The following WIPF1 variants were observed in gnomAD, a reference collection of about 807,000 sequenced individuals.
WIPF1 encodes WAS/WASL-interacting protein family member 1.
Under a neutral mutation model 35.4 loss-of-function variants are expected in WIPF1, and 13 were observed. The ratio of observed to expected loss-of-function variants is 0.37; its 90% CI spans 0.24 to 0.58. The LOEUF (loss-of-function observed/expected upper bound fraction) is 0.58. Ranked by LOEUF, WIPF1 falls within the 20% of genes least tolerant of loss-of-function variation. The pLI, the probability that WIPF1 is intolerant of heterozygous loss-of-function variation, is 0.74. For missense variants in WIPF1, 591 were observed against 667.0 expected (o/e 0.89, Z 1.25); for synonymous variants, 267 against 266.3 (o/e 1.00, Z -0.02).
At chr2:174,669,633 G>A (rs1295855894) in intron 1 of WIPF1, among the ~76,000 whole-genome samples, 1 of 152,244 alleles carries the variant, frequency 6.6e-6, no homozygotes, top group Admixed American at 6.5e-5. Context: ...TGTAGTCCCA[G>A]CTACTTGGGA....
intron 1 of WIPF1, among the ~76,000 whole-genome samples, chr2:174,660,192 A>G (rs1687727946): frequency 6.6e-6 from 1 of 152,182 alleles, no homozygotes; most frequent in Non-Finnish European, 1.5e-5. Flanking sequence ...AACACAGACT[A>G]CCATGTGGAA....
intron 1 of WIPF1, among the ~76,000 whole-genome samples, chr2:174,595,133 T>TATATATATATAC (rs1273441559): frequency 1.1e-5 from 1 of 94,356 alleles, no homozygotes; most frequent in Non-Finnish European, 2.1e-5. Flanking sequence ...TATATATATA[T>TATATATATATAC]ATATATAATT....
At chr2:174,581,202 G>T in intron 3 of WIPF1, 108 bp downstream of exon 3, 1 of 1,478,894 alleles carries the variant, frequency 6.8e-7, no homozygotes, top group Non-Finnish European at 9.1e-7. Context: ...CTTTGCAGCT[G>T]TTGTTAACCA....
chr2:174,606,551 G>T (rs1487350212), intron 1 of WIPF1, among the ~76,000 whole-genome samples: 1 of 152,180 alleles, frequency 6.6e-6, no homozygotes, highest in Non-Finnish European at 1.5e-5. Context: ...CTGGCAGGAT[G>T]CCTGAATGAC....
At chr2:174,605,404 T>C (rs1329693730) in intron 1 of WIPF1, among the ~76,000 whole-genome samples, 2 of 152,080 alleles carry the variant, frequency 1.3e-5, no homozygotes, top group Non-Finnish European at 2.9e-5. Flanking sequence ...CGCCACTGCA[T>C]TCCAGCCTGG....
intron 1 of WIPF1, among the ~76,000 whole-genome samples, chr2:174,667,600 A>T (rs1687919713): frequency 6.6e-6 from 1 of 152,170 alleles, no homozygotes; most frequent in African/African-American, 2.4e-5. Context: ...TTCAGCTCTG[A>T]TCCCAGGAGC....
intron 1 of WIPF1, among the ~76,000 whole-genome samples, chr2:174,669,593 CT>C (rs1687963712): frequency 1.3e-5 from 2 of 152,352 alleles, no homozygotes; most frequent in East Asian, 1.9e-4. Flanking sequence ...ACGAAATTAA[CT>C]GTCAGAGCTG....
In WIPF1 at chr2:174,572,139, G is replaced by T; in HGVS notation, c.666C>A (p.Phe222Leu). 1 of 1,611,940 alleles carries T rather than the reference G, an allele frequency of 6.2e-7. No homozygotes were observed. The highest frequency in any genetic ancestry group is 8.5e-7 in the Non-Finnish European group (1 of 1,179,088). Residue 222 changes from phenylalanine (F) to leucine (L), a missense_variant, in exon 5 of 8, where the codon TTC becomes TTA. By Grantham distance (22) the Phe-to-Leu change is conservative (BLOSUM62 0). Transcript: ENST00000679041. The part of the protein sequence containing the change: ...QPSPGPTPPP[F>L]PGNRGTALGG... Reference sequence around the variant, plus strand: ...CCAAAGCAGTGCCGCGGTTTCCAGGGAAAGGGGGAGGAGTGGGCCCGGGGC... The same window carrying T: ...CCAAAGCAGTGCCGCGGTTTCCAGGTAAAGGGGGAGGAGTGGGCCCGGGGC...
chr2:174,574,865 C>A, intron 4 of WIPF1: 1 of 717,164 alleles, frequency 1.4e-6, no homozygotes, highest in East Asian at 2.7e-5. Context: ...AAAGCTGAAT[C>A]TGTCAGGTCA....
chr2:174,625,324 T>C (rs867882801), intron 1 of WIPF1, among the ~76,000 whole-genome samples: 3 of 152,204 alleles, frequency 2.0e-5, no homozygotes, highest in African/African-American at 7.2e-5. Flanking sequence ...CTTCCTCAGC[T>C]TTCTGAATGA....
At chr2:174,577,742 A>G (rs1340344935) in intron 3 of WIPF1, among the ~76,000 whole-genome samples, 2 of 152,134 alleles carry the variant, frequency 1.3e-5, no homozygotes, top group Non-Finnish European at 2.9e-5. Context: ...TCTGAGCAAT[A>G]TGGTGAGATT....
Position 174,567,902 on chromosome 2 carries a change from G to T in WIPF1, c.1301C>A (p.Ser434Ter). Reference protein sequence around the residue: ...SAGAPPPPPPSTSIRNGFQDS... With the variant: ...SAGAPPPPPP ...TTGGAAGCCATTTCTAATAGATGTT[G>T]ATGGTGGAGGTGGGGGAGGTGCCCC... Residue 434 changes from serine (S) to a stop codon, truncating the protein, a stop_gained, in exon 6 of 8, where the codon TCA (serine) becomes TAA (stop). Transcript: ENST00000679041. LOFTEE classifies it high-confidence loss of function. 1 of 1,610,954 alleles carries T rather than the reference G, an allele frequency of 6.2e-7. No homozygotes were observed. Among genetic ancestry groups the T allele is most frequent in the Non-Finnish European group, 8.5e-7 (1 of 1,178,362 alleles).
At chr2:174,605,380 G>A (rs988200923) in intron 1 of WIPF1, among the ~76,000 whole-genome samples, 2 of 152,214 alleles carry the variant, frequency 1.3e-5, no homozygotes, top group African/African-American at 2.4e-5. Context: ...GGAGGTTACA[G>A]TGAGCCGAGA....
intron 1 of WIPF1, among the ~76,000 whole-genome samples, chr2:174,612,032 G>A (rs1686363652): frequency 6.6e-6 from 1 of 152,106 alleles, no homozygotes; most frequent in South Asian, 2.1e-4. Context: ...GGGACTACAG[G>A]TGCATGCTGC....
intron 1 of WIPF1, among the ~76,000 whole-genome samples, chr2:174,589,768 C>T (rs1343723955): frequency 1.3e-5 from 2 of 152,178 alleles, no homozygotes; most frequent in African/African-American, 4.8e-5. Context: ...CATCATATTA[C>T]AACTACACAC....
intron 1 of WIPF1, among the ~76,000 whole-genome samples, chr2:174,646,453 G>C (rs532426415): frequency 1.3e-5 from 2 of 152,292 alleles, no homozygotes; most frequent in South Asian, 4.1e-4. Context: ...ATAACATGGA[G>C]ATAACTTTAG....
At chr2:174,646,959 A>T (rs536218552) in intron 1 of WIPF1, among the ~76,000 whole-genome samples, 1 of 152,322 alleles carries the variant, frequency 6.6e-6, no homozygotes, top group Non-Finnish European at 1.5e-5. Context: ...GAAATAAAGG[A>T]TATTCAGAAA....
Position 174,579,581 on chromosome 2 carries a change from A to G in WIPF1, c.181+1729T>C, listed in dbSNP as rs528188710. Among the ~76,000 whole-genome samples the G allele has an allele frequency of 1.8e-4, 27 of 152,346 alleles. No homozygotes were observed. In the South Asian group the frequency reaches 5.6e-3, roughly 32 times the overall value. On this transcript the variant is annotated intron_variant, in intron 3 of 7. Coordinates refer to ENST00000679041, the MANE Select transcript of WIPF1 (RefSeq NM_001375834.1). ...TGGACAAGGGCCTGCACTGGACTGT[A>G]TCTTCCTTCCATCAAGGAAAGCACA...
intron 1 of WIPF1, among the ~76,000 whole-genome samples, chr2:174,634,127 T>C (rs1219826674): frequency 6.6e-6 from 1 of 152,196 alleles, no homozygotes; most frequent in East Asian, 1.9e-4. Flanking sequence ...ATTTCTGTAT[T>C]TTCTAACACC....
Sources: allele counts gnomAD v4.1 joint callset (sites outside exome capture counted in the v4.1 genomes callset), GRCh38; gene constraint gnomAD v4.1.1; transcripts MANE v1.5; gene names NCBI Gene and HGNC (gene_info 2026-07-23, HGNC 2026-07-21).